The following GALNTL6 variants were observed in gnomAD, a reference collection of about 807,000 sequenced individuals.
GALNTL6 encodes the protein polypeptide N-acetylgalactosaminyltransferase-like 6.
A neutral mutation model predicts 73.7 loss-of-function variants in GALNTL6; 46 were observed. The observed-to-expected ratio is 0.62, with a 90% CI of 0.49 to 0.80. The LOEUF is 0.80. Ranked by LOEUF, GALNTL6 falls within the 30% of genes least tolerant of loss-of-function variation. The pLI is 0.00. For synonymous variants in GALNTL6, 259 were observed against 263.7 expected (o/e 0.98, Z 0.17); for missense variants, 604 against 755.0 (o/e 0.80, Z 2.34).
chr4:172,121,257 TTGTGTGTGTGTG>T (rs375731048), intron 2 of GALNTL6, among the ~76,000 whole-genome samples: 90 of 142,464 alleles, frequency 6.3e-4, no homozygotes, highest in East Asian at 1.5e-3. Context: ...TCAAGAAGCA[TTGTGTGTGTGTG>T]TGTGTGTGTG....
chr4:172,682,628 G>C (rs1446056640), intron 5 of GALNTL6, among the ~76,000 whole-genome samples: 1 of 151,994 alleles, frequency 6.6e-6, no homozygotes, highest in Non-Finnish European at 1.5e-5. Flanking sequence ...GCTAAATTTG[G>C]CCATCCTAAC....
chr4:172,023,200 C>A (rs548890304), intron 2 of GALNTL6, among the ~76,000 whole-genome samples: 1 of 151,948 alleles, frequency 6.6e-6, no homozygotes, highest in African/African-American at 2.4e-5. Flanking sequence ...ATTTGGTCAA[C>A]TGTCCTCCTT....
chr4:172,577,442 C>T (rs1736998416), intron 5 of GALNTL6, among the ~76,000 whole-genome samples: 1 of 152,138 alleles, frequency 6.6e-6, no homozygotes, highest in African/African-American at 2.4e-5. Context: ...AATTGGTCGA[C>T]ATAACATCAC....
rs117267888 is a variant in GALNTL6 at position 172,424,632 on chromosome 4, A to G, written c.553+75943A>G. Among the ~76,000 whole-genome samples the G allele has an allele frequency of 1.7e-3, 262 of 152,276 alleles. No homozygotes were observed. The East Asian group carries it at 0.021, about 12-fold the overall frequency. ...GAGCGGCTGCTCCATGCAGTTATTC[A>G]TGGACCAGGAGGATAGAGACTCAAA... On this transcript the variant is annotated intron_variant, in intron 5 of 12. Transcript: ENST00000506823.
intron 5 of GALNTL6, among the ~76,000 whole-genome samples, chr4:172,398,620 A>C (rs2111318940): frequency 6.6e-6 from 1 of 152,326 alleles, no homozygotes; most frequent in South Asian, 2.1e-4. Flanking sequence ...TATTGCAGTA[A>C]GATAACCTGT....
chr4:172,217,220 C>T (rs1370295362), intron 2 of GALNTL6, among the ~76,000 whole-genome samples: 4 of 152,178 alleles, frequency 2.6e-5, no homozygotes, highest in Non-Finnish European at 5.9e-5. Flanking sequence ...AGACTCTCTA[C>T]AGATGCAAAT....
chr4:172,762,422 A>T (rs1738163565), intron 5 of GALNTL6, among the ~76,000 whole-genome samples: 1 of 150,724 alleles, frequency 6.6e-6, no homozygotes, highest in Non-Finnish European at 1.5e-5. Flanking sequence ...AATAACTATT[A>T]TACCAAAGAA....
At chr4:172,078,286 C>T (rs139539275) in intron 2 of GALNTL6, among the ~76,000 whole-genome samples, 26 of 152,196 alleles carry the variant, frequency 1.7e-4, no homozygotes, top group African/African-American at 4.3e-4. Context: ...TAAAAGTGTA[C>T]GGCACATCCC....
At chr4:172,158,321 T>C (rs910311223) in intron 2 of GALNTL6, among the ~76,000 whole-genome samples, 1 of 152,152 alleles carries the variant, frequency 6.6e-6, no homozygotes, top group African/African-American at 2.4e-5. Context: ...GGTTTTGGAA[T>C]ATAAGTGAAG....
intron 2 of GALNTL6, among the ~76,000 whole-genome samples, chr4:171,872,975 G>A (rs1736179700): frequency 6.6e-6 from 1 of 152,132 alleles, no homozygotes; most frequent in Non-Finnish European, 1.5e-5. Context: ...TGAATTATGG[G>A]AGGGAAGATG....
intron 7 of GALNTL6, 48 bp from the exon 8 acceptor site, chr4:172,882,742 G>GTGTC (rs1247483172): frequency 8.5e-7 from 1 of 1,179,564 alleles, no homozygotes; most frequent in Non-Finnish European, 1.3e-6. Flanking sequence ...AAATGCCATT[G>GTGTC]TCTGTAACGT....
intron 2 of GALNTL6, among the ~76,000 whole-genome samples, chr4:172,195,328 A>G (rs72998333): frequency 0.021 from 3,170 of 152,308 alleles, 107 homozygotes; most frequent in African/African-American, 0.07. Flanking sequence ...AGACTCCCAC[A>G]GGATAATAGT....
chr4:172,250,907 C>T lies in GALNTL6; in HGVS notation c.247+21143C>T, dbSNP rs540849087. Among the ~76,000 whole-genome samples the T allele has an allele frequency of 1.7e-4, 26 of 152,214 alleles. No homozygotes were observed. The Middle Eastern group carries it at 0.01, about 60-fold the overall frequency. On this transcript the variant is annotated intron_variant, in intron 3 of 12. Transcript: ENST00000506823. ...AAGGGATCAATAAACATATCAGACA[C>T]CTGGAGCACACTGCACAACTTAGTC...
chr4:172,281,548 A>G (rs190267738), intron 3 of GALNTL6, among the ~76,000 whole-genome samples: 165 of 152,200 alleles, frequency 1.1e-3, no homozygotes, highest in African/African-American at 3.8e-3. Flanking sequence ...AAAATACAAA[A>G]AAAAGAAAAA....
At chr4:172,121,207 C>A (rs1482627874) in intron 2 of GALNTL6, among the ~76,000 whole-genome samples, 1 of 151,420 alleles carries the variant, frequency 6.6e-6, no homozygotes, top group African/African-American at 2.4e-5. Flanking sequence ...AAGGGTGGCA[C>A]AAGTCCAAGT....
At chr4:172,153,498 CA>C (rs988979866) in intron 2 of GALNTL6, among the ~76,000 whole-genome samples, 28 of 151,906 alleles carry the variant, frequency 1.8e-4, no homozygotes, top group Admixed American at 5.2e-4. Context: ...CATTTAGTTA[CA>C]AAAAAAGATG....
intron 4 of GALNTL6, among the ~76,000 whole-genome samples, chr4:172,337,737 T>A (rs922212883): frequency 6.7e-6 from 1 of 149,794 alleles, no homozygotes; most frequent in Non-Finnish European, 1.5e-5. Flanking sequence ...ATCAGTCTGG[T>A]GATTATATGC....
chr4:172,446,758 A>C (rs1000539147), intron 5 of GALNTL6, among the ~76,000 whole-genome samples: 1 of 152,286 alleles, frequency 6.6e-6, no homozygotes, highest in South Asian at 2.1e-4. Context: ...GAGAGCAGCA[A>C]CACTCATAGC....
intron 5 of GALNTL6, among the ~76,000 whole-genome samples, chr4:172,410,153 C>A (rs1038917584): frequency 6.6e-6 from 1 of 151,732 alleles, no homozygotes; most frequent in African/African-American, 2.4e-5. Flanking sequence ...ATAGCAATAT[C>A]CTGGTATTTT....
Sources: gnomAD v4.1 joint callset for allele counts (sites outside exome capture counted in the v4.1 genomes callset) on GRCh38, gnomAD v4.1.1 for gene constraint, MANE v1.5 for transcripts, NCBI Gene and HGNC (gene_info 2026-07-23, HGNC 2026-07-21) for gene names.